The following RGS6 variants were observed in gnomAD, a reference collection of about 807,000 sequenced individuals.
The protein encoded by RGS6 is regulator of G protein signaling 6.
In RGS6, 30 loss-of-function variants were observed where a neutral mutation model predicts 78.5. That is an observed-to-expected ratio of 0.38 (90% CI 0.29 to 0.52). RGS6 has a LOEUF of 0.52. Among genes scored for constraint, RGS6 ranks in the 20% least tolerant of loss-of-function variants. The probability of loss-of-function intolerance (pLI) is 0.85; values close to 1 mark genes in which losing one functional copy is unlikely to be tolerated. For synonymous variants in RGS6, 206 were observed against 206.0 expected (o/e 1.00, Z 0.00); for missense variants, 495 against 609.7 (o/e 0.81, Z 1.98).
Position 71,951,474 on chromosome 14 carries a change from G to T in RGS6, c.-20-13298G>T, listed in dbSNP as rs4902957. On this transcript the variant is annotated intron_variant, in intron 1 of 17. Coordinates refer to ENST00000553525, the MANE Select transcript of RGS6 (RefSeq NM_001204424.2). The stretch of plus-strand genomic sequence containing the variant: ...TACATGCTGGGCTTAATACTTAGGC[G>T]ATGGGTTGATAGGTGCAGCAAACCA... Among the ~76,000 whole-genome samples the T allele has an allele frequency of 3.9e-5, 6 of 152,236 alleles. No individual in the cohort carries two copies. In the South Asian group the frequency reaches 1.2e-3, roughly 32 times the overall value.
At chr14:72,612,190 C>T in the RGS6 span, among the ~76,000 whole-genome samples, 1 of 152,188 alleles carries the variant, frequency 6.6e-6, no homozygotes, top group Non-Finnish European at 1.5e-5. Context: ...CTTGGATGGA[C>T]TCTGTTCCCT....
intron 2 of RGS6, among the ~76,000 whole-genome samples, chr14:72,293,265 G>C (rs1032522398): frequency 6.6e-5 from 10 of 152,160 alleles, no homozygotes; most frequent in South Asian, 2.1e-4. Flanking sequence ...AGATAATTGT[G>C]TTTCATCTCC....
At chr14:72,421,554 C>G (rs908199514) in intron 3 of RGS6, 1 of 152,126 alleles carries the variant, frequency 6.6e-6, no homozygotes, top group African/African-American at 2.4e-5. Flanking sequence ...TTTCTCCTGA[C>G]TGTGAATTGA....
In RGS6 at chr14:72,260,819, G is replaced by A. The variant is rs182653881; in HGVS notation, c.85-91276G>A. ...GTATTTGATAGATGCAAAGTTGCTA[G>A]AGCAGCCTGTGAAAGTGAGGCAAAG... On this transcript the variant is annotated intron_variant, in intron 2 of 17. Coordinates refer to ENST00000553525, the MANE Select transcript of RGS6 (RefSeq NM_001204424.2). 8.5e-5 allele frequency among the ~76,000 whole-genome samples: 13 copies of A among 152,318 alleles called. No homozygotes were observed. In the East Asian group the frequency reaches 2.3e-3, roughly 27 times the overall value.
At chr14:72,115,184 G>C (rs11850582) in intron 2 of RGS6, among the ~76,000 whole-genome samples, 26 of 152,046 alleles carry the variant, frequency 1.7e-4, no homozygotes, top group African/African-American at 2.7e-4. Flanking sequence ...CCTAGCGCTC[G>C]CTCAGGGTTT....
At chr14:72,600,968 G>A in the RGS6 span, among the ~76,000 whole-genome samples, 1 of 151,854 alleles carries the variant, frequency 6.6e-6, no homozygotes. Context: ...GAAAGGAGGA[G>A]GAGGAGGAGC....
intron 15 of RGS6, among the ~76,000 whole-genome samples, chr14:72,529,762 T>C (rs1175537085): frequency 6.6e-6 from 1 of 152,214 alleles, no homozygotes; most frequent in African/African-American, 2.4e-5. Flanking sequence ...TCCCCACTTG[T>C]AGCAGGATAG....
Position 72,474,684 on chromosome 14 carries a change from A to G in RGS6, c.678A>G (p.Pro226=), listed in dbSNP as rs2153340490. The change falls in exon 10 of 18, where the codon CCA becomes CCG. Residue 226 remains proline (P), a synonymous_variant. Transcript: ENST00000553525. ...GAAAATGTCGACGTTTGAAGAATCC[A>G]CAAAAGGTTAAAAAGGTTCGCTAGT... ...DIRKCRRLKN[P]QKVKKSVYGV... 2.5e-6 allele frequency: 4 copies of G among 1,613,974 alleles called. 1 individual carries two copies. Among genetic ancestry groups the G allele is most frequent in the Middle Eastern group, 1.7e-4 (1 of 6,056 alleles).
chr14:72,211,563 T>C (rs2044163357), intron 2 of RGS6, among the ~76,000 whole-genome samples: 1 of 152,136 alleles, frequency 6.6e-6, no homozygotes, highest in South Asian at 2.1e-4. Context: ...GATATTTGAA[T>C]AGGTTCAAAG....
chr14:72,545,179 T>C (rs2097375868), intron 17 of RGS6, among the ~76,000 whole-genome samples: 3 of 152,210 alleles, frequency 2.0e-5, no homozygotes, highest in Non-Finnish European at 4.4e-5. Flanking sequence ...TTGCAAACAG[T>C]CCTTGGACTC....
chr14:72,194,655 C>T (rs2039576931), intron 2 of RGS6, among the ~76,000 whole-genome samples: 1 of 152,056 alleles, frequency 6.6e-6, no homozygotes, highest in Non-Finnish European at 1.5e-5. Context: ...AGCTACTGTG[C>T]CCGGCCTGGT....
intron 2 of RGS6, among the ~76,000 whole-genome samples, chr14:72,088,546 T>A (rs1480750639): frequency 6.6e-6 from 1 of 152,192 alleles, no homozygotes; most frequent in African/African-American, 2.4e-5. Flanking sequence ...CAAGCTACCA[T>A]CATCTCTTGT....
At chr14:72,456,033 G>A (rs1047772845) in intron 4 of RGS6, among the ~76,000 whole-genome samples, 5 of 152,180 alleles carry the variant, frequency 3.3e-5, no homozygotes, top group Non-Finnish European at 7.4e-5. Context: ...CAGCCCTGGC[G>A]TGAGAAGCTT....
At chr14:72,545,576 T>C (rs1352821245) in intron 17 of RGS6, among the ~76,000 whole-genome samples, 2 of 152,184 alleles carry the variant, frequency 1.3e-5, no homozygotes, top group Non-Finnish European at 2.9e-5. Context: ...TTCTGAGTTA[T>C]ATAACTCATT....
intron 2 of RGS6, among the ~76,000 whole-genome samples, chr14:72,298,695 G>A (rs140876337): frequency 0.014 from 2,168 of 152,044 alleles, 43 homozygotes; most frequent in African/African-American, 0.049. Flanking sequence ...TGGTCCACCC[G>A]CCTCGGCCTC....
chr14:72,263,519 TC>T (rs58089758), intron 2 of RGS6, among the ~76,000 whole-genome samples: 148,756 of 152,062 alleles, frequency 0.98, 72,772 homozygotes, highest in East Asian at 1. Context: ...AATGTATGTG[TC>T]CCCCCCAAAT....
At chr14:72,548,464 C>T (rs1047074247) in intron 17 of RGS6, among the ~76,000 whole-genome samples, 7 of 151,856 alleles carry the variant, frequency 4.6e-5, no homozygotes, top group Admixed American at 2.6e-4. Flanking sequence ...TTGTAATTGA[C>T]GATAAGCTTA....
intron 3 of RGS6, among the ~76,000 whole-genome samples, chr14:72,408,310 TTGA>T (rs1196887949): frequency 2.0e-5 from 3 of 152,214 alleles, no homozygotes; most frequent in African/African-American, 4.8e-5. Flanking sequence ...TGTGTGTTTT[TTGA>T]TGATAACTTA....
At chr14:72,327,138 T>A (rs374503294) in intron 2 of RGS6, among the ~76,000 whole-genome samples, 25 of 152,346 alleles carry the variant, frequency 1.6e-4, no homozygotes, top group African/African-American at 5.8e-4. Context: ...ATGTATCCCC[T>A]TTTTTATCTG....
Sources: gnomAD v4.1 joint callset for allele counts (sites outside exome capture counted in the v4.1 genomes callset) on GRCh38, gnomAD v4.1.1 for gene constraint, MANE v1.5 for transcripts, NCBI Gene and HGNC (gene_info 2026-07-23, HGNC 2026-07-21) for gene names.